The following MAP2K2 variants were observed in gnomAD, a reference collection of about 807,000 sequenced individuals.
The protein encoded by MAP2K2 is mitogen-activated protein kinase kinase 2, also known as dual specificity mitogen-activated protein kinase kinase 2.
In MAP2K2, 24 loss-of-function variants were observed where a neutral mutation model predicts 43.7. That is an observed-to-expected ratio of 0.55 (90% CI 0.40 to 0.77). The LOEUF is 0.77. Ranked by LOEUF, MAP2K2 falls within the 30% of genes least tolerant of loss-of-function variation. The pLI is 0.00. For missense variants in MAP2K2, 470 were observed against 566.8 expected (o/e 0.83, Z 1.73); for synonymous variants, 244 against 239.7 (o/e 1.02, Z -0.17).
chr19:4,110,929 C>A (rs2041146552), intron 2 of MAP2K2, among the ~76,000 whole-genome samples: 1 of 152,190 alleles, frequency 6.6e-6, no homozygotes, highest in Non-Finnish European at 1.5e-5. Context: ...CAGCGCAGCC[C>A]ACCCCTCACT....
At position 4,099,060 on chromosome 19, in the gene MAP2K2, G is replaced by T. The variant is rs375396431; in HGVS notation, c.919+141C>A. 1.8e-4 allele frequency: 124 copies of T among 706,014 alleles called. 4 individuals are homozygous for T. The African/African-American group carries it at 1.9e-3, about 11-fold the overall frequency. 43.7% of individuals were successfully genotyped at this position (706,014 alleles called of 1,614,324 possible). A position where few individuals can be genotyped will look rare whatever the true frequency, so the allele number is the denominator to read the frequency against. ...CCCGGAAACCCCAGGACCATGGGAGGACTGCTGACCACAGTCGGCACCATC... is the reference window on the plus strand; with the variant it reads ...CCCGGAAACCCCAGGACCATGGGAGTACTGCTGACCACAGTCGGCACCATC... On this transcript the variant is annotated intron_variant, in intron 7 of 10. Coordinates refer to ENST00000262948, the MANE Select transcript of MAP2K2 (RefSeq NM_030662.4).
chr19:4,092,921 T>C (rs1432657860), intron 10 of MAP2K2, among the ~76,000 whole-genome samples: 3 of 151,880 alleles, frequency 2.0e-5, no homozygotes, highest in Admixed American at 2.0e-4. Flanking sequence ...AAAAACTAGC[T>C]GGGCAGGTCG....
chr19:4,101,650 AG>A lies in MAP2K2; in HGVS notation c.529-371del, dbSNP rs1244263690. Among the ~76,000 whole-genome samples, 3 of 152,150 alleles carry A rather than the reference AG, an allele frequency of 2.0e-5. No individual in the cohort carries two copies. The highest frequency in any genetic ancestry group is 1.5e-5 in the Non-Finnish European group (1 of 68,014). On this transcript the variant is annotated intron_variant, in intron 4 of 10. Transcript: ENST00000262948. The surrounding 1 kb of genome is among the most constrained non-coding windows in gnomAD (Gnocchi z 6.3). ...CCTGAAAGGCAGCATCTGGGGTCCC[AG>A]GGACTGTGCTAAGGGCCCCCAGATG...
At chr19:4,095,572 T>C in intron 8 of MAP2K2, 123 bp from the exon 9 acceptor site, 1 of 735,590 alleles carries the variant, frequency 1.4e-6, no homozygotes, top group Non-Finnish European at 2.3e-6. Flanking sequence ...CGACACCACA[T>C]GCCAACTGGG....
intron 3 of MAP2K2, among the ~76,000 whole-genome samples, chr19:4,106,405 GTTTAT>G (rs1478242731): frequency 2.0e-5 from 3 of 152,134 alleles, no homozygotes; most frequent in Middle Eastern, 3.2e-3. Flanking sequence ...CCAATGCTAT[GTTTAT>G]TTTATTTTTC....
intron 3 of MAP2K2, chr19:4,102,858 G>T: frequency 8.4e-7 from 1 of 1,186,442 alleles, no homozygotes; most frequent in South Asian, 1.6e-5. Context: ...GGCCAGGCTG[G>T]AGACCAGCGT....
intron 7 of MAP2K2, 31 bp from the exon 8 acceptor site, chr19:4,097,374 G>A: frequency 6.4e-7 from 1 of 1,562,412 alleles, no homozygotes; most frequent in South Asian, 1.1e-5. Flanking sequence ...AGGTGAGATG[G>A]GCCGATGGCC....
At chr19:4,094,126 G>A (rs572871776) in intron 10 of MAP2K2, among the ~76,000 whole-genome samples, 124 of 152,176 alleles carry the variant, frequency 8.1e-4, no homozygotes, top group Admixed American at 2.1e-3. Context: ...GCTGAGAGCT[G>A]CCTCCAGCCT....
At chr19:4,112,965 C>A (rs1568261307) in intron 2 of MAP2K2, among the ~76,000 whole-genome samples, 1 of 152,184 alleles carries the variant, frequency 6.6e-6, no homozygotes, top group African/African-American at 2.4e-5. Flanking sequence ...AAGCTTGGTG[C>A]GTGTTTTCCA....
Position 4,090,589 on chromosome 19 carries a change from C to T in MAP2K2, c.*9G>A, listed in dbSNP as rs397517410. The T allele has an allele frequency of 6.0e-5, 93 of 1,548,126 alleles. No homozygotes were observed. The highest frequency in any genetic ancestry group is 8.2e-5 in the African/African-American group (6 of 73,010). On this transcript the variant is annotated 3_prime_UTR_variant, in exon 11 of 11. Transcript: ENST00000262948. The stretch of plus-strand genomic sequence containing the variant: ...GGTCACCAGCGGGACGCAGGGAGCC[C>T]GGCCACTGTCACACGGCGGTGCGCG...
intron 10 of MAP2K2, among the ~76,000 whole-genome samples, chr19:4,093,419 G>A (rs897519796): frequency 2.6e-5 from 4 of 151,840 alleles, no homozygotes; most frequent in Non-Finnish European, 4.4e-5. Context: ...GACCAGGTGC[G>A]GTGGCTCACA....
chr19:4,106,649 G>A lies in MAP2K2; in HGVS notation c.450+3860C>T, dbSNP rs373080981. On this transcript the variant is annotated intron_variant, in intron 3 of 10. Coordinates refer to ENST00000262948, the MANE Select transcript of MAP2K2 (RefSeq NM_030662.4). ...TCTTGAACTCTTGACCTCGTGATCC[G>A]CCTGCCTTGGCCTCCCAAAGTGCTA... Among the ~76,000 whole-genome samples the A allele has an allele frequency of 2.6e-4, 39 of 152,136 alleles. No individual in the cohort carries two copies. In the East Asian group the frequency reaches 5.5e-3, roughly 21 times the overall value.
chr19:4,095,010 CAGG>C, intron 9 of MAP2K2: 1 of 358,590 alleles, frequency 2.8e-6, no homozygotes, highest in Non-Finnish European at 5.2e-6. Context: ...TGCTTGGGGG[CAGG>C]AGAATGGAGT....
At chr19:4,105,821 G>T (rs1362212556) in intron 3 of MAP2K2, among the ~76,000 whole-genome samples, 1 of 151,970 alleles carries the variant, frequency 6.6e-6, no homozygotes, top group Non-Finnish European at 1.5e-5. Flanking sequence ...GTACAGGCGC[G>T]CCACCATGTC....
intron 7 of MAP2K2, among the ~76,000 whole-genome samples, chr19:4,098,149 G>A (rs774931636): frequency 3.9e-5 from 6 of 152,180 alleles, no homozygotes; most frequent in Non-Finnish European, 8.8e-5. Context: ...ACGCACCATG[G>A]CGTGGATGAC....
rs1057015494 is a variant in MAP2K2, at chr19:4,110,771, C to G, written c.304-116G>C. The stretch of plus-strand genomic sequence containing the variant: ...AGTGGTCAAGACCAACTCAGTACCC[C>G]CTCCGCAATTCCACCCCTAGGTGTC... On this transcript the variant is annotated intron_variant, in intron 2 of 10. Coordinates refer to ENST00000262948, the MANE Select transcript of MAP2K2 (RefSeq NM_030662.4). The G allele has an allele frequency of 1.8e-5, 20 of 1,102,118 alleles. No individual in the cohort carries two copies. In the Middle Eastern group the frequency reaches 6.1e-4, roughly 34 times the overall value. The allele number at this position is 1,102,118 out of a possible 1,614,324, so 68.3% of individuals were successfully genotyped here.
In MAP2K2 at chr19:4,101,916, C is replaced by T. The variant is rs1417258898; in HGVS notation, c.528+460G>A. Among the ~76,000 whole-genome samples the T allele has an allele frequency of 6.6e-6, 1 of 152,154 alleles. No individual in the cohort carries two copies. Among genetic ancestry groups the T allele is most frequent in the Non-Finnish European group, 1.5e-5 (1 of 68,030 alleles). On this transcript the variant is annotated intron_variant, in intron 4 of 10. Transcript: ENST00000262948. The surrounding 1 kb of genome is among the most constrained non-coding windows in gnomAD (Gnocchi z 6.3). ...AGCAACACGCACGGTCTGCTGAAAC[C>T]ACACGGCTCTACGGAGCAGCTGTGC...
chr19:4,122,999 G>GACC (rs1391323674), intron 1 of MAP2K2, among the ~76,000 whole-genome samples: 1 of 144,124 alleles, frequency 6.9e-6, no homozygotes, highest in Non-Finnish European at 1.5e-5. Context: ...GGGGCTGCCT[G>GACC]ACCTCCCCAC....
intron 6 of MAP2K2, chr19:4,100,751 T>G: frequency 1.8e-6 from 1 of 544,226 alleles, no homozygotes; most frequent in Non-Finnish European, 3.3e-6. Flanking sequence ...TTGTGGCAAG[T>G]GGGGAGAGCT....
Sources: gnomAD v4.1 joint callset for allele counts (sites outside exome capture counted in the v4.1 genomes callset) on GRCh38, gnomAD v4.1.1 for gene constraint, Gnocchi (gnomAD v3.1) non-coding constraint, MANE v1.5 for transcripts, NCBI Gene and HGNC (gene_info 2026-07-23, HGNC 2026-07-21) for gene names.